Variants in PPP2R2B observed in about 807,000 individuals in gnomAD.
PPP2R2B encodes the protein serine/threonine-protein phosphatase 2A 55 kDa regulatory subunit B beta isoform.
In PPP2R2B, 5 loss-of-function variants were observed where a neutral mutation model predicts 46.0. That is an observed-to-expected ratio of 0.11 (90% CI 0.06 to 0.23). PPP2R2B has a LOEUF of 0.23. PPP2R2B is among the 10% of genes least tolerant of loss of function. The pLI is 1.00. For synonymous variants in PPP2R2B, 215 were observed against 206.7 expected, an observed-to-expected ratio of 1.04 and a Z score of -0.34; for missense variants, 367 against 575.0, an observed-to-expected ratio of 0.64 and a Z score of 3.70.
chr5:147,027,259 A>T (rs1414064528), intron 1 of PPP2R2B, among the ~76,000 whole-genome samples: 1 of 151,534 alleles, frequency 6.6e-6, no homozygotes, highest in Non-Finnish European at 1.5e-5. Flanking sequence ...GTGTGGTTAT[A>T]CAACATTGCA....
intron 1 of PPP2R2B, among the ~76,000 whole-genome samples, chr5:147,047,325 TAA>T (rs1756590281): frequency 6.6e-6 from 1 of 152,104 alleles, no homozygotes; most frequent in Admixed American, 6.6e-5. Flanking sequence ...AAAGAGAGGA[TAA>T]GTGTTTGAGA....
chr5:146,799,163 C>A (rs1756714677), intron 2 of PPP2R2B, among the ~76,000 whole-genome samples: 1 of 152,182 alleles, frequency 6.6e-6, no homozygotes, highest in South Asian at 2.1e-4. Context: ...AGGAGGCCAA[C>A]CTAGGTTCTT....
In PPP2R2B at chr5:146,992,954, AT is replaced by A. The variant is rs1445428398; in HGVS notation, c.79+62710del. ...AAAAATCTTTTTTATTTTTATGTTTATTTTTTTAGATGGAGTCTTGCTCTGT... is the reference window on the plus strand; with the variant it reads ...AAAAATCTTTTTTATTTTTATGTTTATTTTTTAGATGGAGTCTTGCTCTGT... On this transcript the variant is annotated intron_variant, in intron 1 of 8. Coordinates refer to the PPP2R2B transcript ENST00000336640. Among the ~76,000 whole-genome samples the A allele has an allele frequency of 5.3e-5, 8 of 152,060 alleles. 1 individual carries two copies. The South Asian group carries it at 1.7e-3, about 32-fold the overall frequency.
Position 146,980,995 on chromosome 5 carries a change from A to G in PPP2R2B, c.79+74670T>C, listed in dbSNP as rs77906251. Among the ~76,000 whole-genome samples, 1,344 of 152,328 alleles carry G rather than the reference A, an allele frequency of 8.8e-3. 63 individuals are homozygous for G. The East Asian group carries it at 0.14, about 16-fold the overall frequency. ...ATGAATCCTAAAAAGACTAAATAAA[A>G]AGATATCTACATCTAGAAAGGACTC... On this transcript the variant is annotated intron_variant, in intron 1 of 8. Coordinates refer to the PPP2R2B transcript ENST00000336640.
rs550159081 is a variant in PPP2R2B at position 146,774,646 on chromosome 5, G to A, written c.71-73504C>T. On this transcript the variant is annotated intron_variant, in intron 2 of 9. Transcript: ENST00000394411. ...AGCCTGGCCAACACGGCAAAACCCC[G>A]TCTCTACTAAAAGTACAAAAATTAG... Among the ~76,000 whole-genome samples the A allele has an allele frequency of 1.2e-3, 186 of 151,976 alleles. 1 individual carries two copies. The highest frequency in any genetic ancestry group is 4.0e-3 in the African/African-American group (164 of 41,478).
chr5:146,696,968 T>C (rs1013396759), intron 4 of PPP2R2B, among the ~76,000 whole-genome samples: 3 of 152,248 alleles, frequency 2.0e-5, no homozygotes, highest in Admixed American at 6.5e-5. Context: ...TTAATCATGA[T>C]GAACCTTATG....
intron 2 of PPP2R2B, among the ~76,000 whole-genome samples, chr5:146,805,810 C>A (rs1413488659): frequency 2.5e-5 from 3 of 119,986 alleles, no homozygotes; most frequent in Admixed American, 8.3e-5. Context: ...ACTGGGAGCT[C>A]TAAATATGTT....
intron 1 of PPP2R2B, among the ~76,000 whole-genome samples, chr5:146,976,053 A>G (rs1752884719): frequency 6.6e-6 from 1 of 151,304 alleles, no homozygotes; most frequent in South Asian, 2.1e-4. Flanking sequence ...GCCAAATTCA[A>G]TGTCATAAAG....
intron 1 of PPP2R2B, chr5:146,919,861 G>T (rs973780058): frequency 2.6e-5 from 4 of 152,338 alleles, no homozygotes; most frequent in Admixed American, 2.0e-4. Flanking sequence ...AAGAAAAATA[G>T]TTGGGCACTG....
At chr5:146,678,581 T>C (rs2151132635) in intron 5 of PPP2R2B, among the ~76,000 whole-genome samples, 1 of 136,262 alleles carries the variant, frequency 7.3e-6, no homozygotes, top group South Asian at 2.4e-4. Flanking sequence ...GGTATTCAAT[T>C]AGGAAAAGAG....
chr5:146,994,961 C>A (rs2400234), intron 1 of PPP2R2B, among the ~76,000 whole-genome samples: 122,538 of 152,106 alleles, frequency 0.81, 49,777 homozygotes, highest in African/African-American at 0.89. Flanking sequence ...TCTTGGGAAC[C>A]TATATAGGAG....
At chr5:146,741,247 G>A (rs1752860055) in intron 2 of PPP2R2B, among the ~76,000 whole-genome samples, 1 of 152,156 alleles carries the variant, frequency 6.6e-6, no homozygotes, top group African/African-American at 2.4e-5. Context: ...CTTTCTCCAT[G>A]TACATATGTG....
At chr5:146,993,282 A>G (rs1160604748) in intron 1 of PPP2R2B, among the ~76,000 whole-genome samples, 1 of 150,098 alleles carries the variant, frequency 6.7e-6, no homozygotes, top group Non-Finnish European at 1.5e-5. Flanking sequence ...TCGCACTATC[A>G]CCCAGGCTAG....
intron 2 of PPP2R2B, among the ~76,000 whole-genome samples, chr5:146,729,098 C>T (rs1034837486): frequency 1.3e-5 from 2 of 152,116 alleles, no homozygotes; most frequent in Non-Finnish European, 2.9e-5. Flanking sequence ...ATGGCTGTGT[C>T]CAAAATGCTG....
In PPP2R2B at chr5:146,853,807, A is replaced by T. The variant is rs1021333782; in HGVS notation, c.70+24195T>A. On this transcript the variant is annotated intron_variant, in intron 2 of 9. Transcript: ENST00000394411. Reference sequence around the variant, plus strand: ...AATAACTGAGGTGGGACTAACCATCATCTTGACTACCATTCTCCCTGCTTG... The same window carrying T: ...AATAACTGAGGTGGGACTAACCATCTTCTTGACTACCATTCTCCCTGCTTG... Among the ~76,000 whole-genome samples, 6 of 152,066 alleles carry T rather than the reference A, an allele frequency of 3.9e-5. No homozygotes were observed. In the East Asian group the frequency reaches 1.2e-3, roughly 29 times the overall value.
chr5:146,909,569 T>C (rs937349411), intron 1 of PPP2R2B, among the ~76,000 whole-genome samples: 1 of 152,194 alleles, frequency 6.6e-6, no homozygotes, highest in Non-Finnish European at 1.5e-5. Context: ...TTCCAAAATA[T>C]AGAAAGAAGC....
chr5:146,899,698 A>G (rs112156369), intron 1 of PPP2R2B, among the ~76,000 whole-genome samples: 1 of 152,216 alleles, frequency 6.6e-6, no homozygotes, highest in Non-Finnish European at 1.5e-5. Context: ...AAATTATTCT[A>G]TGAAGACTAA....
chr5:146,898,280 T>G (rs1451842613), intron 1 of PPP2R2B, among the ~76,000 whole-genome samples: 3 of 152,214 alleles, frequency 2.0e-5, no homozygotes, highest in East Asian at 3.8e-4. Flanking sequence ...GATCTATATC[T>G]CTGTTTTGGT....
intron 1 of PPP2R2B, among the ~76,000 whole-genome samples, chr5:147,009,843 T>C (rs1451598728): frequency 7.3e-6 from 1 of 136,310 alleles, no homozygotes; most frequent in Non-Finnish European, 1.6e-5. Flanking sequence ...TTATACATAT[T>C]TATATATATA....
Sources: allele counts gnomAD v4.1 joint callset (sites outside exome capture counted in the v4.1 genomes callset), GRCh38; gene constraint gnomAD v4.1.1; transcripts MANE v1.5; gene names NCBI Gene and HGNC (gene_info 2026-07-23, HGNC 2026-07-21).